The following CTTN variants were observed in gnomAD, a reference collection of about 807,000 sequenced individuals.
The protein encoded by CTTN is src substrate cortactin.
A neutral mutation model predicts 84.0 loss-of-function variants in CTTN; 28 were observed. That is an observed-to-expected ratio of 0.33 (90% CI 0.25 to 0.46). The LOEUF (loss-of-function observed/expected upper bound fraction) is 0.46. Among genes scored for constraint, CTTN ranks in the 20% least tolerant of loss-of-function variants. The probability of loss-of-function intolerance (pLI) is 1.00; values close to 1 mark genes in which losing one functional copy is unlikely to be tolerated. For missense variants in CTTN, 641 were observed against 723.8 expected (o/e 0.89, Z 1.31); for synonymous variants, 301 against 288.8 (o/e 1.04, Z -0.43).
chr11:70,427,673 C>G (rs1477659872), intron 13 of CTTN, among the ~76,000 whole-genome samples: 1 of 152,228 alleles, frequency 6.6e-6, no homozygotes, highest in Non-Finnish European at 1.5e-5. Context: ...GACTCGCTAC[C>G]CACTGTGCTT....
Position 70,436,051 on chromosome 11 carries a change from C to T in CTTN, c.*889C>T. On this transcript the variant is annotated 3_prime_UTR_variant, in exon 18 of 18. Transcript: ENST00000301843. Reference sequence around the variant, plus strand: ...GTGTGTGTGCCATGTCACAGCATGGCCTCTCGGCCTTGGGAAGGAAGGCAG... The same window carrying T: ...GTGTGTGTGCCATGTCACAGCATGGTCTCTCGGCCTTGGGAAGGAAGGCAG... The T allele has an allele frequency of 7.0e-7, 1 of 1,424,554 alleles. No individual in the cohort carries two copies. The highest frequency in any genetic ancestry group is 1.4e-5 in the African/African-American group (1 of 69,574). The allele number at this position is 1,424,554 out of a possible 1,614,324, so 88.2% of individuals were successfully genotyped here.
chr11:70,409,689 C>T, intron 4 of CTTN, 142 bp from the exon 5 acceptor site: 1 of 935,586 alleles, frequency 1.1e-6, no homozygotes, highest in South Asian at 1.5e-5. Context: ...AGGCACAGTG[C>T]AGGGAGAGAA....
intron 13 of CTTN, among the ~76,000 whole-genome samples, chr11:70,427,509 G>A (rs2135590376): frequency 6.6e-6 from 1 of 152,346 alleles, no homozygotes; most frequent in East Asian, 1.9e-4. Context: ...ATGTTACGTT[G>A]TTTAGGAAGA....
At chr11:70,420,287 G>A in intron 9 of CTTN, 113 bp from the exon 10 acceptor site, 5 of 739,042 alleles carry the variant, frequency 6.8e-6, no homozygotes, top group Non-Finnish European at 1.2e-5. Context: ...GATCCGGAAG[G>A]GAAGAGTAGA....
intron 5 of CTTN, among the ~76,000 whole-genome samples, chr11:70,414,201 C>G (rs542462813): frequency 1.5e-4 from 23 of 152,294 alleles, no homozygotes; most frequent in Admixed American, 3.9e-4. Flanking sequence ...AAAAATTAGC[C>G]AGGCATGGTG....
rs532007814 is a variant in CTTN at position 70,414,759 on chromosome 11, C to G, written c.402+107C>G. The G allele has an allele frequency of 2.1e-5, 16 of 746,276 alleles. No homozygotes were observed. In the African/African-American group the frequency reaches 2.8e-4, roughly 13 times the overall value. 46.2% of individuals were successfully genotyped at this position (746,276 alleles called of 1,614,324 possible). A position where few individuals can be genotyped will look rare whatever the true frequency, so the allele number is the denominator to read the frequency against. On this transcript the variant is annotated intron_variant, in intron 6 of 17. Transcript: ENST00000301843. ...GTAGTAGCAGGCAGGTGCCCTCCAG[C>G]TCTGGGGGACTGCAGAGAGGGGCAT...
chr11:70,412,535 G>A (rs572836129), intron 5 of CTTN, among the ~76,000 whole-genome samples: 34 of 152,316 alleles, frequency 2.2e-4, no homozygotes, highest in African/African-American at 7.9e-4. Flanking sequence ...AAATCTCTGC[G>A]TTAAGACTTG....
chr11:70,417,131 G>A lies in CTTN; in HGVS notation c.568+8G>A, dbSNP rs376180283. ...AGCACGAGTCACAGAGAGGTGGGGC[G>A]GACCCCACGGTCTGTAATCACGCGT... On this transcript the variant is annotated splice_region_variant and intron_variant, in intron 8 of 17. Transcript: ENST00000301843. 23 of 1,601,606 alleles carry A rather than the reference G, an allele frequency of 1.4e-5. No individual in the cohort carries two copies. Among genetic ancestry groups the A allele is most frequent in the East Asian group, 1.3e-4 (6 of 44,828 alleles).
In CTTN at chr11:70,417,003, G is replaced by C; in HGVS notation, c.458-10G>C. On this transcript the variant is annotated splice_polypyrimidine_tract_variant and intron_variant, in intron 7 of 17. Transcript: ENST00000301843. ...AGGCCCCCGTGCTAATTGCTGCCCT[G>C]TCTCTCCAGACTACTCCAGTGGTTT... 6.2e-7 allele frequency: 1 copy of C among 1,611,136 alleles called. No homozygotes were observed. Among genetic ancestry groups the C allele is most frequent in the Non-Finnish European group, 8.5e-7 (1 of 1,177,190 alleles).
intron 5 of CTTN, among the ~76,000 whole-genome samples, chr11:70,413,166 A>G (rs1182715111): frequency 1.3e-5 from 2 of 152,246 alleles, no homozygotes; most frequent in African/African-American, 4.8e-5. Context: ...TCAATAGGGG[A>G]AATAGTGGAC....
chr11:70,418,748 G>T (rs911286570), intron 8 of CTTN, among the ~76,000 whole-genome samples: 1 of 151,396 alleles, frequency 6.6e-6, no homozygotes, highest in Non-Finnish European at 1.5e-5. Context: ...AATGGATGAT[G>T]TTACAGGAAT....
intron 13 of CTTN, among the ~76,000 whole-genome samples, 160 bp downstream of exon 13, chr11:70,425,561 T>G (rs1183103982): frequency 2.0e-5 from 3 of 152,236 alleles, no homozygotes; most frequent in African/African-American, 7.2e-5. Context: ...GATGAAGATC[T>G]TGTTTCTCCT....
Position 70,398,561 on chromosome 11 carries a change from G to C in CTTN, c.-151G>C, listed in dbSNP as rs970855623. 2 of 152,096 alleles carry C rather than the reference G, an allele frequency of 1.3e-5. No homozygotes were observed. Among genetic ancestry groups the C allele is most frequent in the Non-Finnish European group, 2.9e-5 (2 of 68,048 alleles). The allele number at this position is 152,096 out of a possible 1,614,324, so 9.4% of individuals were successfully genotyped here. Reference sequence around the variant, plus strand: ...GAAGTAGAGCCTGGTGCCTGGGAGCGGCTGGCGCGGCGGAATCCAGGGCCG... The same window carrying C: ...GAAGTAGAGCCTGGTGCCTGGGAGCCGCTGGCGCGGCGGAATCCAGGGCCG... On this transcript the variant is annotated 5_prime_UTR_variant, in exon 1 of 18. Transcript: ENST00000301843.
At chr11:70,433,841 T>G in intron 17 of CTTN, 123 bp downstream of exon 17, 1 of 725,392 alleles carries the variant, frequency 1.4e-6, no homozygotes, top group South Asian at 1.5e-5. Context: ...TTGAGATAAT[T>G]TCAGAGATAT....
At chr11:70,428,152 AC>A (rs2058318512) in intron 13 of CTTN, among the ~76,000 whole-genome samples, 2 of 65,488 alleles carry the variant, frequency 3.1e-5, no homozygotes. Flanking sequence ...GTGTCTTCCC[AC>A]TTTTTTTTTT....
chr11:70,420,356 A>C (rs375412434), intron 9 of CTTN, 44 bp from the exon 10 acceptor site: 1 of 1,283,146 alleles, frequency 7.8e-7, no homozygotes. Flanking sequence ...TGTGACCTGC[A>C]CTACCTGTTA....
At chr11:70,400,126 C>G (rs1368839687) in intron 1 of CTTN, among the ~76,000 whole-genome samples, 1 of 152,172 alleles carries the variant, frequency 6.6e-6, no homozygotes, top group Non-Finnish European at 1.5e-5. Context: ...ATTAGGTCCC[C>G]TAGAACTAGA....
At chr11:70,426,954 T>C (rs1726619207) in intron 13 of CTTN, among the ~76,000 whole-genome samples, 1 of 151,776 alleles carries the variant, frequency 6.6e-6, no homozygotes, top group Admixed American at 6.6e-5. Flanking sequence ...CAGGCTGGTC[T>C]TGAATTCCTG....
At chr11:70,426,689 G>A (rs61887452) in intron 13 of CTTN, among the ~76,000 whole-genome samples, 1 of 151,338 alleles carries the variant, frequency 6.6e-6, no homozygotes, top group Non-Finnish European at 1.5e-5. Context: ...CCGGGTTCAC[G>A]GCATTCTCCT....
Sources: allele counts gnomAD v4.1 joint callset (sites outside exome capture counted in the v4.1 genomes callset), GRCh38; gene constraint gnomAD v4.1.1; transcripts MANE v1.5; gene names NCBI Gene and HGNC (gene_info 2026-07-23, HGNC 2026-07-21).